Variants in ADCY9 observed in about 807,000 individuals in gnomAD.
ADCY9 encodes adenylate cyclase type 9.
A neutral mutation model predicts 101.5 loss-of-function variants in ADCY9; 50 were observed. The observed-to-expected ratio is 0.49, with a 90% confidence interval of 0.39 to 0.62. The LOEUF is 0.62. Among genes scored for constraint, ADCY9 ranks in the 20% least tolerant of loss-of-function variants. The probability of loss-of-function intolerance (pLI) is 0.00; values close to 1 mark genes in which losing one functional copy is unlikely to be tolerated. For synonymous variants in ADCY9, 905 were observed against 769.3 expected, an observed-to-expected ratio of 1.18 and a Z score of -2.92; for missense variants, 1,662 against 1,800.4, an observed-to-expected ratio of 0.92 and a Z score of 1.39.
chr16:4,107,371 T>C (rs1295610830), intron 2 of ADCY9, among the ~76,000 whole-genome samples: 1 of 151,232 alleles, frequency 6.6e-6, no homozygotes, highest in Non-Finnish European at 1.5e-5. Context: ...GCCTACATGG[T>C]GAAACCCCAT....
chr16:4,013,330 A>C (rs566758930), intron 2 of ADCY9, among the ~76,000 whole-genome samples: 1 of 152,282 alleles, frequency 6.6e-6, no homozygotes, highest in South Asian at 2.1e-4. Flanking sequence ...CTGAGGCAGG[A>C]GAATCGCTTA....
At chr16:4,050,094 T>C (rs1328663534) in intron 2 of ADCY9, among the ~76,000 whole-genome samples, 1 of 151,694 alleles carries the variant, frequency 6.6e-6, no homozygotes, top group Non-Finnish European at 1.5e-5. Flanking sequence ...GTGGGGACCC[T>C]TGGCTGCCAT....
At chr16:4,054,821 C>A (rs1223489946) in intron 2 of ADCY9, among the ~76,000 whole-genome samples, 1 of 152,142 alleles carries the variant, frequency 6.6e-6, no homozygotes, top group Non-Finnish European at 1.5e-5. Context: ...CCTGCCTCGA[C>A]CTCCCAAAGT....
intron 2 of ADCY9, among the ~76,000 whole-genome samples, chr16:4,064,669 G>A (rs1260889569): frequency 1.3e-5 from 2 of 151,876 alleles, no homozygotes; most frequent in African/African-American, 4.8e-5. Flanking sequence ...TATAGAGACA[G>A]GGTCTCACCA....
At chr16:4,031,631 C>T (rs574648224) in intron 2 of ADCY9, among the ~76,000 whole-genome samples, 25 of 152,266 alleles carry the variant, frequency 1.6e-4, no homozygotes, top group Admixed American at 1.5e-3. Flanking sequence ...CACCTGGAAT[C>T]GCAGCACTTT....
chr16:4,026,560 A>G (rs143437810), intron 2 of ADCY9, among the ~76,000 whole-genome samples: 21 of 152,256 alleles, frequency 1.4e-4, no homozygotes, highest in Admixed American at 3.9e-4. Flanking sequence ...TAGCGGCACT[A>G]TTCATAATTG....
chr16:4,099,013 A>T (rs75177778), intron 2 of ADCY9, among the ~76,000 whole-genome samples: 3,330 of 151,824 alleles, frequency 0.022, 99 homozygotes, highest in South Asian at 0.14. Context: ...GCTCACTGCA[A>T]CCTCTGCCTC....
intron 2 of ADCY9, among the ~76,000 whole-genome samples, chr16:4,093,873 T>G (rs998587013): frequency 2.0e-5 from 3 of 152,224 alleles, no homozygotes; most frequent in African/African-American, 7.2e-5. Context: ...CCATAGGCAG[T>G]GGTGCTAAAT....
intron 8 of ADCY9, among the ~76,000 whole-genome samples, chr16:3,978,334 G>A (rs923708340): frequency 6.6e-6 from 1 of 151,958 alleles, no homozygotes; most frequent in Non-Finnish European, 1.5e-5. Context: ...CCATCAGCCC[G>A]CCCGGAAGCT....
intron 2 of ADCY9, among the ~76,000 whole-genome samples, chr16:4,080,061 C>T (rs1160453602): frequency 1.3e-5 from 2 of 151,964 alleles, no homozygotes; most frequent in Non-Finnish European, 2.9e-5. Context: ...AAAGCTCAAA[C>T]AGGAAATGAT....
In ADCY9 at chr16:4,012,356, C is replaced by G. The variant is rs78710325; in HGVS notation, c.1694-4798G>C. 1.9e-3 allele frequency among the ~76,000 whole-genome samples: 294 copies of G among 151,954 alleles called. 5 individuals are homozygous for G. The East Asian group carries it at 0.039, about 20-fold the overall frequency. ...ATACATCAGGACAGGTTACTGAGTT[C>G]AAGCCCAGCGAAAGTCTTAAGTCAG... On this transcript the variant is annotated intron_variant, in intron 2 of 10. Transcript: ENST00000294016.
rs557051514 is a variant in ADCY9 at position 3,965,850 on chromosome 16, C to G, written c.3987G>C (p.Glu1329Asp). The G allele has an allele frequency of 6.8e-6, 11 of 1,614,228 alleles. No individual in the cohort carries two copies. The South Asian group carries it at 1.1e-4, about 16-fold the overall frequency. Residue 1329 changes from glutamate (E) to aspartate (D), a missense_variant, in exon 11 of 11, where the codon GAG (glutamate) becomes GAC (aspartate). Physicochemically the swap from Glu to Asp is conservative, Grantham distance 45 (BLOSUM62 2). Coordinates refer to ENST00000294016, the MANE Select transcript of ADCY9 (RefSeq NM_001116.4). Reference sequence around the variant, plus strand: ...TTCCTGTTTCGTCACAGTCGTCTTTCTCTATGGCTTTGCCAAATCGACCCC... The same window carrying G: ...TTCCTGTTTCGTCACAGTCGTCTTTGTCTATGGCTTTGCCAAATCGACCCC... ...EERGRFGKAI[E>D]KDDCDETGIE...
In ADCY9 at chr16:3,963,097, CATATATATATATAT is replaced by C. The variant is rs57326989; in HGVS notation, c.*2664_*2677del. 3.5e-3 allele frequency: 422 copies of C among 122,092 alleles called. 6 individuals are homozygous for C. Among genetic ancestry groups the C allele is most frequent in the South Asian group, 0.015 (44 of 2,848 alleles). 7.6% of individuals were successfully genotyped at this position (122,092 alleles called of 1,614,324 possible). On this transcript the variant is annotated 3_prime_UTR_variant, in exon 11 of 11. Transcript: ENST00000294016. The stretch of plus-strand genomic sequence containing the variant: ...GATAAAATTGTGTGTGCTTGTTTAC[CATATATATATATAT>C]ATATATATATATATATATATATATA...
intron 2 of ADCY9, among the ~76,000 whole-genome samples, chr16:4,048,413 C>T (rs2056679906): frequency 1.3e-5 from 2 of 152,192 alleles, no homozygotes; most frequent in Admixed American, 6.5e-5. Context: ...GTCACATTCT[C>T]CCCCTTCTGT....
intron 6 of ADCY9, among the ~76,000 whole-genome samples, chr16:3,985,106 G>A (rs2056179633): frequency 6.6e-6 from 1 of 151,918 alleles, no homozygotes; most frequent in African/African-American, 2.4e-5. Flanking sequence ...AGAAGGTGTG[G>A]GAATTTCTTT....
At chr16:4,063,877 T>G (rs1567134235) in intron 2 of ADCY9, among the ~76,000 whole-genome samples, 1 of 152,194 alleles carries the variant, frequency 6.6e-6, no homozygotes, top group Non-Finnish European at 1.5e-5. Context: ...AGTTGGTTCT[T>G]TGTTCAGAAA....
At chr16:3,956,652 G>A (rs1287625386) in intron 5 of ADCY9, among the ~76,000 whole-genome samples, 3 of 130,346 alleles carry the variant, frequency 2.3e-5, no homozygotes, top group Non-Finnish European at 5.3e-5. Context: ...CACCACACCT[G>A]GCTAATTTTT....
chr16:3,969,408 A>ATT (rs1355189171), intron 10 of ADCY9, among the ~76,000 whole-genome samples: 3 of 138,908 alleles, frequency 2.2e-5, no homozygotes, highest in Non-Finnish European at 4.7e-5. Context: ...TAATTTTTGT[A>ATT]TTTTTTTTTT....
At chr16:3,984,862 G>A (rs1430893679) in intron 6 of ADCY9, among the ~76,000 whole-genome samples, 1 of 152,200 alleles carries the variant, frequency 6.6e-6, no homozygotes, top group Admixed American at 6.5e-5. Flanking sequence ...GGTGCGGTGT[G>A]CGTTCTTTGG....
Sources: allele counts gnomAD v4.1 joint callset (sites outside exome capture counted in the v4.1 genomes callset), GRCh38; gene constraint gnomAD v4.1.1; transcripts MANE v1.5; gene names NCBI Gene and HGNC (gene_info 2026-07-23, HGNC 2026-07-21).